Variants in PIP4K2A observed in about 807,000 individuals in gnomAD.
PIP4K2A encodes phosphatidylinositol 5-phosphate 4-kinase type-2 alpha.
PIP4K2A carries 14 observed loss-of-function variants against 42.9 expected under a neutral mutation model. That is an observed-to-expected ratio of 0.33 (90% CI 0.22 to 0.51). PIP4K2A has a LOEUF of 0.51. Ranked by LOEUF, PIP4K2A falls within the 20% of genes least tolerant of loss-of-function variation. PIP4K2A has a pLI of 0.97. For synonymous variants in PIP4K2A, 192 were observed against 192.2 expected, an observed-to-expected ratio of 1.00 and a Z score of 0.01; for missense variants, 434 against 519.8, an observed-to-expected ratio of 0.83 and a Z score of 1.61.
intron 1 of PIP4K2A, among the ~76,000 whole-genome samples, chr10:22,613,749 T>A (rs1017213837): frequency 2.6e-5 from 4 of 152,188 alleles, no homozygotes; most frequent in African/African-American, 9.6e-5. Context: ...AGTGAACTTG[T>A]GGATGACATT....
chr10:22,602,024 G>A (rs1837792939), intron 3 of PIP4K2A, among the ~76,000 whole-genome samples: 1 of 152,110 alleles, frequency 6.6e-6, no homozygotes, highest in Non-Finnish European at 1.5e-5. Flanking sequence ...TTGGCTCACT[G>A]GGATTTCATG....
chr10:22,552,800 C>T (rs558778454), intron 6 of PIP4K2A, among the ~76,000 whole-genome samples: 5 of 152,138 alleles, frequency 3.3e-5, no homozygotes, highest in Admixed American at 6.5e-5. Context: ...CGATGGGAGG[C>T]GTGTGGGTGG....
At chr10:22,605,342 A>C (rs1336785843) in intron 3 of PIP4K2A, among the ~76,000 whole-genome samples, 1 of 152,214 alleles carries the variant, frequency 6.6e-6, no homozygotes, top group Non-Finnish European at 1.5e-5. Flanking sequence ...CGGACTTGCC[A>C]ATTAGTTACT....
At chr10:22,706,539 AC>A (rs2130924925) in intron 1 of PIP4K2A, among the ~76,000 whole-genome samples, 1 of 151,936 alleles carries the variant, frequency 6.6e-6, no homozygotes, top group East Asian at 1.9e-4. Context: ...AATACCTTCC[AC>A]CCCTAGCATT....
At chr10:22,600,083 C>T (rs886612529) in intron 3 of PIP4K2A, among the ~76,000 whole-genome samples, 5 of 151,828 alleles carry the variant, frequency 3.3e-5, no homozygotes, top group South Asian at 4.1e-4. Context: ...TCTTTTCTCT[C>T]TCTCATAAAA....
Position 22,633,106 on chromosome 10 carries a change from T to C in PIP4K2A, c.145-23389A>G, listed in dbSNP as rs771145756. Among the ~76,000 whole-genome samples the C allele has an allele frequency of 9.9e-5, 15 of 152,206 alleles. No individual in the cohort carries two copies. In the East Asian group the frequency reaches 1.4e-3, roughly 14 times the overall value. ...TATTACACAGCCCCCCTCTTTACAG[T>C]AGGAAAGCAGAGGCTGAGTTAAGTG... On this transcript the variant is annotated intron_variant, in intron 1 of 9. Transcript: ENST00000376573.
chr10:22,551,224 C>T (rs531040653), intron 6 of PIP4K2A, among the ~76,000 whole-genome samples: 5 of 152,310 alleles, frequency 3.3e-5, no homozygotes, highest in African/African-American at 9.6e-5. Flanking sequence ...TTGCAAATAA[C>T]ATGTTATCTT....
intron 1 of PIP4K2A, among the ~76,000 whole-genome samples, chr10:22,712,916 GTGTGTGTGTGTGTGTGTGTGTGTGTC>G (rs1015715397): frequency 1.1e-4 from 15 of 133,762 alleles, no homozygotes; most frequent in Non-Finnish European, 1.8e-4. Context: ...CATTGAGGGT[GTGTGTGTGTGTGTGTGTGTGTGTGTC>G]TGTGTGTGTG....
intron 5 of PIP4K2A, among the ~76,000 whole-genome samples, chr10:22,568,571 A>G (rs193213288): frequency 2.6e-5 from 4 of 152,270 alleles, no homozygotes; most frequent in Admixed American, 2.0e-4. Flanking sequence ...AGTGGAGGAA[A>G]ACATGGCCCT....
rs562241422 is a variant in PIP4K2A at position 22,579,342 on chromosome 10, G to GT, written c.493-5886dup. Among the ~76,000 whole-genome samples the GT allele has an allele frequency of 1.8e-3, 277 of 152,336 alleles. 1 individual carries two copies. The highest frequency in any genetic ancestry group is 5.7e-3 in the African/African-American group (239 of 41,570). ...ATCGTAACCCTAGTGATATCAATCT[G>GT]TCACTGAATAAGAGTAAAGAATCAC... On this transcript the variant is annotated intron_variant, in intron 4 of 9. Transcript: ENST00000376573.
intron 4 of PIP4K2A, among the ~76,000 whole-genome samples, chr10:22,577,544 G>A (rs1047013816): frequency 1.3e-5 from 2 of 152,198 alleles, no homozygotes; most frequent in African/African-American, 4.8e-5. Context: ...GACAGATGCT[G>A]ACACCATGCT....
intron 1 of PIP4K2A, among the ~76,000 whole-genome samples, chr10:22,627,069 C>G (rs117507123): frequency 9.3e-5 from 14 of 150,748 alleles, no homozygotes; most frequent in South Asian, 2.1e-4. Context: ...CCCACGCATT[C>G]TATGTATTCT....
chr10:22,685,306 TC>T, intron 1 of PIP4K2A, among the ~76,000 whole-genome samples: 1 of 152,244 alleles, frequency 6.6e-6, no homozygotes. Context: ...TATTAATGAA[TC>T]ATAATACTAA....
chr10:22,617,765 G>A (rs1838208207), intron 1 of PIP4K2A, among the ~76,000 whole-genome samples: 1 of 152,116 alleles, frequency 6.6e-6, no homozygotes, highest in South Asian at 2.1e-4. Context: ...GAGCATGGGG[G>A]AAGACAGGAG....
chr10:22,610,443 A>C (rs1838005173), intron 1 of PIP4K2A, among the ~76,000 whole-genome samples: 2 of 152,252 alleles, frequency 1.3e-5, no homozygotes, highest in Non-Finnish European at 2.9e-5. Flanking sequence ...TTGCATGTTG[A>C]CTTTCCTTGT....
At chr10:22,696,399 T>C (rs1241539266) in intron 1 of PIP4K2A, among the ~76,000 whole-genome samples, 1 of 152,212 alleles carries the variant, frequency 6.6e-6, no homozygotes, top group African/African-American at 2.4e-5. Flanking sequence ...TTTCTTCTTA[T>C]AAATAACCAA....
At chr10:22,577,712 C>T (rs1012526141) in intron 4 of PIP4K2A, among the ~76,000 whole-genome samples, 2 of 152,222 alleles carry the variant, frequency 1.3e-5, no homozygotes, top group African/African-American at 2.4e-5. Flanking sequence ...CACACTGCGA[C>T]GCATCTTGTC....
At chr10:22,577,797 C>T (rs945371777) in intron 4 of PIP4K2A, among the ~76,000 whole-genome samples, 1 of 152,178 alleles carries the variant, frequency 6.6e-6, no homozygotes, top group Admixed American at 6.5e-5. Context: ...CTCAACAGTG[C>T]TTAAATGTGC....
At chr10:22,585,358 G>A (rs972508320) in intron 4 of PIP4K2A, among the ~76,000 whole-genome samples, 4 of 152,098 alleles carry the variant, frequency 2.6e-5, no homozygotes, top group African/African-American at 9.7e-5. Context: ...TTCAACTAAA[G>A]ATATTAATTG....
Sources: gnomAD v4.1 joint callset for allele counts (sites outside exome capture counted in the v4.1 genomes callset) on GRCh38, gnomAD v4.1.1 for gene constraint, MANE v1.5 for transcripts, NCBI Gene and HGNC (gene_info 2026-07-23, HGNC 2026-07-21) for gene names.